The following NTRK2 variants were observed in gnomAD, a reference collection of about 807,000 sequenced individuals.
The protein encoded by NTRK2 is BDNF/NT-3 growth factors receptor.
NTRK2 carries 13 observed loss-of-function variants against 94.5 expected under a neutral mutation model. The ratio of observed to expected loss-of-function variants is 0.14; its 90% CI spans 0.09 to 0.22. The LOEUF (loss-of-function observed/expected upper bound fraction) is 0.22. NTRK2 is among the 10% of genes least tolerant of loss of function. The pLI is 1.00. For missense variants in NTRK2, 639 were observed against 1,071.2 expected, an observed-to-expected ratio of 0.60 and a Z score of 5.63; for synonymous variants, 372 against 407.4, an observed-to-expected ratio of 0.91 and a Z score of 1.05.
At chr9:84,892,584 C>T (rs1035122754) in intron 14 of NTRK2, among the ~76,000 whole-genome samples, 2 of 152,220 alleles carry the variant, frequency 1.3e-5, no homozygotes, top group Non-Finnish European at 2.9e-5. Context: ...TCAGAATAAG[C>T]TGAAGAAAAC....
intron 12 of NTRK2, among the ~76,000 whole-genome samples, chr9:84,832,495 G>A (rs931270871): frequency 2.0e-5 from 3 of 152,218 alleles, no homozygotes; most frequent in Non-Finnish European, 2.9e-5. Flanking sequence ...GCAGTAAGAG[G>A]ATAAAAGCAG....
chr9:84,913,053 T>C (rs963209689), intron 14 of NTRK2, among the ~76,000 whole-genome samples: 8 of 152,250 alleles, frequency 5.3e-5, no homozygotes, highest in Admixed American at 5.2e-4. Context: ...ATTATTGATA[T>C]GTTAGGGCTT....
At position 84,686,143 on chromosome 9, in the gene NTRK2, TTAAGA is replaced by T. The variant is rs548692310; in HGVS notation, c.212+15185_212+15189del. Among the ~76,000 whole-genome samples the T allele has an allele frequency of 1.2e-4, 19 of 152,302 alleles. 2 individuals carry two copies. In the South Asian group the frequency reaches 1.7e-3, roughly 13 times the overall value. On this transcript the variant is annotated intron_variant, in intron 2 of 18. Transcript: ENST00000277120. ...ACATAATTTTTCTCAAGCTATCAAGTTAAGATGTTTGTTTATATAAATGACCTTTA... is the reference window on the plus strand; with the variant it reads ...ACATAATTTTTCTCAAGCTATCAAGTTGTTTGTTTATATAAATGACCTTTA...
intron 17 of NTRK2, among the ~76,000 whole-genome samples, chr9:84,989,384 T>C (rs1828766194): frequency 6.6e-6 from 1 of 152,278 alleles, no homozygotes; most frequent in African/African-American, 2.4e-5. Flanking sequence ...ATGGAATGTC[T>C]ATTTTGTTCC....
At chr9:84,883,230 G>A (rs138082786) in intron 14 of NTRK2, among the ~76,000 whole-genome samples, 5 of 152,296 alleles carry the variant, frequency 3.3e-5, no homozygotes, top group African/African-American at 1.2e-4. Flanking sequence ...TAGACCCATT[G>A]TGGAAGGTTC....
intron 5 of NTRK2, among the ~76,000 whole-genome samples, chr9:84,709,795 C>T (rs578080577): frequency 6.8e-4 from 103 of 151,676 alleles, no homozygotes; most frequent in Non-Finnish European, 1.2e-3. Context: ...ATTTTTTTTT[C>T]CTTGTGGTTT....
chr9:84,803,734 G>A (rs1299338443), intron 12 of NTRK2, among the ~76,000 whole-genome samples: 2 of 152,284 alleles, frequency 1.3e-5, no homozygotes, highest in East Asian at 3.9e-4. Flanking sequence ...CCACTCTCAG[G>A]CAGAGTTGGG....
chr9:84,875,314 A>T, intron 14 of NTRK2: 4 of 1,059,756 alleles, frequency 3.8e-6, no homozygotes, highest in Non-Finnish European at 4.6e-6. Context: ...AGGGGTTAAG[A>T]GCGGGGGTCT....
chr9:84,933,004 C>T (rs889062458), intron 14 of NTRK2, among the ~76,000 whole-genome samples: 13 of 152,200 alleles, frequency 8.5e-5, no homozygotes, highest in East Asian at 1.9e-4. Context: ...CAATTCCATT[C>T]CCAGACTGTA....
At chr9:84,906,340 G>A (rs1032258962) in intron 14 of NTRK2, among the ~76,000 whole-genome samples, 1 of 152,180 alleles carries the variant, frequency 6.6e-6, no homozygotes, top group African/African-American at 2.4e-5. Context: ...CAGGCAATGG[G>A]ATCCAATGAC....
intron 16 of NTRK2, among the ~76,000 whole-genome samples, chr9:84,951,749 A>G (rs993989641): frequency 6.6e-6 from 1 of 152,204 alleles, no homozygotes; most frequent in African/African-American, 2.4e-5. Flanking sequence ...TGCCATGCCA[A>G]AAGTCTAGTT....
chr9:84,984,081 G>T (rs1160879712), intron 17 of NTRK2, among the ~76,000 whole-genome samples: 3 of 152,154 alleles, frequency 2.0e-5, no homozygotes, highest in Non-Finnish European at 4.4e-5. Context: ...TTGCTGTGAG[G>T]ATTAAATGAG....
At chr9:84,801,949 T>C (rs1347892349) in intron 12 of NTRK2, among the ~76,000 whole-genome samples, 1 of 152,228 alleles carries the variant, frequency 6.6e-6, no homozygotes. Context: ...CAGAAGGAAA[T>C]GCATTTGTCC....
intron 15 of NTRK2, among the ~76,000 whole-genome samples, chr9:84,936,452 C>T (rs2078216607): frequency 6.6e-6 from 1 of 152,156 alleles, no homozygotes; most frequent in African/African-American, 2.4e-5. Flanking sequence ...TATGCCATTC[C>T]AGTTTCCTGC....
chr9:84,836,519 C>A (rs1315591883), intron 12 of NTRK2, among the ~76,000 whole-genome samples: 2 of 151,228 alleles, frequency 1.3e-5, no homozygotes, highest in African/African-American at 4.9e-5. Flanking sequence ...GGGGGACTTG[C>A]ATCCTCATTG....
chr9:84,792,124 T>C (rs1188369419), intron 12 of NTRK2, among the ~76,000 whole-genome samples: 1 of 152,212 alleles, frequency 6.6e-6, no homozygotes, highest in South Asian at 2.1e-4. Flanking sequence ...GCAATTCCAC[T>C]GTGGAATATT....
At chr9:84,933,162 C>G (rs1008449122) in intron 14 of NTRK2, among the ~76,000 whole-genome samples, 1 of 152,190 alleles carries the variant, frequency 6.6e-6, no homozygotes, top group Non-Finnish European at 1.5e-5. Flanking sequence ...AATGCACTAC[C>G]ATTCAGCAAC....
rs1227706704 is a variant in NTRK2 at position 84,670,723 on chromosome 9, A to C, written c.-26A>C. The C allele has an allele frequency of 1.9e-6, 3 of 1,608,822 alleles. No individual in the cohort carries two copies. Among genetic ancestry groups the C allele is most frequent in the Admixed American group, 3.3e-5 (2 of 60,020 alleles). On this transcript the variant is annotated 5_prime_UTR_variant, in exon 2 of 19. Coordinates refer to ENST00000277120, the MANE Select transcript of NTRK2 (RefSeq NM_006180.6). ...CGGCCGGTGCAGCGCGGGGACAGGCACTCGGGCTGGCACTGGCTGCTAGGG... is the reference window on the plus strand; with the variant it reads ...CGGCCGGTGCAGCGCGGGGACAGGCCCTCGGGCTGGCACTGGCTGCTAGGG...
In NTRK2 at chr9:84,707,834, T is replaced by A. The variant is rs2061200674; in HGVS notation, c.360-10T>A. 1 of 1,607,372 alleles carries A rather than the reference T, an allele frequency of 6.2e-7. No individual in the cohort carries two copies. The highest frequency in any genetic ancestry group is 8.5e-7 in the Non-Finnish European group (1 of 1,174,482). On this transcript the variant is annotated splice_polypyrimidine_tract_variant and intron_variant, in intron 4 of 18. Transcript: ENST00000277120. ...TTAAATTCATGTTTAATGTTTTTGA[T>A]TCCTTTCAGCAATTTTACCCGAAAC...
Sources: allele counts gnomAD v4.1 joint callset (sites outside exome capture counted in the v4.1 genomes callset), GRCh38; gene constraint gnomAD v4.1.1; transcripts MANE v1.5; gene names NCBI Gene and HGNC (gene_info 2026-07-23, HGNC 2026-07-21).